Variants in TRMT9B observed in about 807,000 individuals in gnomAD.
TRMT9B encodes the protein probable tRNA methyltransferase 9B.
Under a neutral mutation model 11.5 loss-of-function variants are expected in TRMT9B, and 16 were observed. The observed-to-expected ratio is 1.39, with a 90% CI of 0.94 to 2.11. The LOEUF (loss-of-function observed/expected upper bound fraction) is 2.11, where lower values mean the gene tolerates loss of function less well. TRMT9B is among the 30% of genes most tolerant of loss of function. The probability of loss-of-function intolerance (pLI) is 0.00; values close to 1 mark genes in which losing one functional copy is unlikely to be tolerated. For missense variants in TRMT9B, 941 were observed against 553.8 expected (o/e 1.70, Z -7.02); for synonymous variants, 274 against 192.4 (o/e 1.42, Z -3.51).
chr8:12,982,926 G>C (rs934721708), intron 1 of TRMT9B, among the ~76,000 whole-genome samples: 1 of 152,094 alleles, frequency 6.6e-6, no homozygotes, highest in Non-Finnish European at 1.5e-5. Flanking sequence ...TGTTTTCCTC[G>C]CATGCCCAGA....
chr8:13,003,161 A>G (rs1305503877), intron 2 of TRMT9B, among the ~76,000 whole-genome samples: 3 of 152,178 alleles, frequency 2.0e-5, no homozygotes, highest in African/African-American at 7.2e-5. Flanking sequence ...AAATTCAACA[A>G]TTACAGGACT....
At chr8:13,015,340 C>T (rs1812441883) in intron 4 of TRMT9B, among the ~76,000 whole-genome samples, 1 of 151,882 alleles carries the variant, frequency 6.6e-6, no homozygotes, top group Non-Finnish European at 1.5e-5. Flanking sequence ...CCTCCCTAAC[C>T]TTCAGCATTT....
intron 1 of TRMT9B, among the ~76,000 whole-genome samples, chr8:12,979,212 C>A (rs536557422): frequency 1.3e-5 from 2 of 152,198 alleles, no homozygotes; most frequent in African/African-American, 4.8e-5. Flanking sequence ...AATTCTCATT[C>A]CTGTTCTCAG....
chr8:12,964,546 C>G (rs1218791425), intron 1 of TRMT9B, among the ~76,000 whole-genome samples: 1 of 152,074 alleles, frequency 6.6e-6, no homozygotes, highest in African/African-American at 2.4e-5. Context: ...TAGTTTTTAA[C>G]TCTAAATAAT....
chr8:12,996,329 A>C (rs556865180), intron 2 of TRMT9B, among the ~76,000 whole-genome samples: 2 of 152,310 alleles, frequency 1.3e-5, no homozygotes, highest in Admixed American at 1.3e-4. Flanking sequence ...TGGTGCCCTA[A>C]CTGAAACAAC....
chr8:13,019,718 G>A (rs1246606574), intron 4 of TRMT9B, among the ~76,000 whole-genome samples: 2 of 152,306 alleles, frequency 1.3e-5, no homozygotes, highest in African/African-American at 2.4e-5. Flanking sequence ...TTCTAGAAAG[G>A]TATGCTTTCA....
At chr8:12,956,475 C>T (rs971899773) in intron 1 of TRMT9B, among the ~76,000 whole-genome samples, 9 of 152,258 alleles carry the variant, frequency 5.9e-5, no homozygotes, top group East Asian at 3.9e-4. Flanking sequence ...CCTCTGCATA[C>T]GGTACTAATT....
Position 12,984,981 on chromosome 8 carries a change from ACACACACTCTCT to A in TRMT9B, c.-199-5851_-199-5840del, listed in dbSNP as rs1563361561. On this transcript the variant is annotated intron_variant, in intron 1 of 4. Transcript: ENST00000524591. ...CACACACACACACACACACACACAC[ACACACACTCTCT>A]CTCTCACACTCCCCACCCAGATGTT... Among the ~76,000 whole-genome samples, 5 of 130,510 alleles carry A rather than the reference ACACACACTCTCT, an allele frequency of 3.8e-5. No homozygotes were observed. The South Asian group carries it at 7.7e-4, about 20-fold the overall frequency. The allele number at this position is 130,510 out of a possible 152,430, so 85.6% of individuals were successfully genotyped here.
intron 1 of TRMT9B, among the ~76,000 whole-genome samples, chr8:12,966,374 C>T (rs1325670133): frequency 6.6e-6 from 1 of 152,094 alleles, no homozygotes; most frequent in Non-Finnish European, 1.5e-5. Context: ...GAAAGCATTG[C>T]TACTGTATAA....
At chr8:12,983,107 A>G (rs1002143888) in intron 1 of TRMT9B, among the ~76,000 whole-genome samples, 6 of 152,176 alleles carry the variant, frequency 3.9e-5, no homozygotes, top group African/African-American at 1.4e-4. Context: ...AAAATGTCAA[A>G]AAGACCTGCA....
rs476023 is a variant in TRMT9B at position 13,022,198 on chromosome 8, T to G, written c.*154T>G. 443,527 of 583,066 alleles carry G rather than the reference T, an allele frequency of 0.76. 170,529 individuals are homozygous for G. Among genetic ancestry groups the G allele is most frequent in the Non-Finnish European group, 0.79 (266,864 of 336,792 alleles). The allele number at this position is 583,066 out of a possible 1,614,324, so 36.1% of individuals were successfully genotyped here. The stretch of plus-strand genomic sequence containing the variant: ...AATTATTTGGTTGTTTTGTTTTCAT[T>G]TTTGAATAAGCACAGATTCTGGCAT... On this transcript the variant is annotated 3_prime_UTR_variant, in exon 5 of 5. Coordinates refer to ENST00000524591, the MANE Select transcript of TRMT9B (RefSeq NM_020844.3).
Position 13,029,154 on chromosome 8 carries a change from C to T in TRMT9B, c.*7110C>T, listed in dbSNP as rs563922667. 6.0e-5 allele frequency: 10 copies of T among 166,766 alleles called. No homozygotes were observed. The highest frequency in any genetic ancestry group is 2.4e-4 in the African/African-American group (10 of 41,352). 10.3% of individuals were successfully genotyped at this position (166,766 alleles called of 1,614,324 possible). On this transcript the variant is annotated 3_prime_UTR_variant, in exon 5 of 5. Transcript: ENST00000524591. The stretch of plus-strand genomic sequence containing the variant: ...GTGAATACATCAAATTAGCAATTAC[C>T]ATAGAAATGTATTTCATTGAATAAA...
intron 1 of TRMT9B, among the ~76,000 whole-genome samples, chr8:12,969,113 T>G (rs1803225998): frequency 6.6e-6 from 1 of 152,142 alleles, no homozygotes; most frequent in African/African-American, 2.4e-5. Context: ...CTCGGGAGGC[T>G]GAGGCAGGAG....
At position 13,002,492 on chromosome 8, in the gene TRMT9B, G is replaced by A. The variant is rs551135132; in HGVS notation, c.-1-3710G>A. Among the ~76,000 whole-genome samples, 3 of 152,292 alleles carry A rather than the reference G, an allele frequency of 2.0e-5. No individual in the cohort carries two copies. In the South Asian group the frequency reaches 6.2e-4, roughly 32 times the overall value. On this transcript the variant is annotated intron_variant, in intron 2 of 4. Coordinates refer to ENST00000524591, the MANE Select transcript of TRMT9B (RefSeq NM_020844.3). ...TTCAGTTGAAGGTGCAACATAAGCT[G>A]TTTCAATTTGGGTGGAAGTTTAGTC... is the stretch of plus-strand genomic sequence containing the variant.
At chr8:13,004,262 C>T (rs1280730076) in intron 2 of TRMT9B, among the ~76,000 whole-genome samples, 3 of 151,830 alleles carry the variant, frequency 2.0e-5, no homozygotes, top group African/African-American at 7.2e-5. Context: ...TAGGTGAGTC[C>T]TCCTGCTGAA....
chr8:13,000,019 T>G (rs556380448), intron 2 of TRMT9B, among the ~76,000 whole-genome samples: 2 of 152,334 alleles, frequency 1.3e-5, no homozygotes, highest in South Asian at 4.1e-4. Flanking sequence ...GATCTAGATA[T>G]TCTACAGTTC....
rs141002043 is a variant in TRMT9B at position 13,000,847 on chromosome 8, G to A, written c.-1-5355G>A. ...GTGTGGTTGTAAGAAACAGAAGTGAGTTCAAGTGAAGAATATTTCAGGGCT... is the reference window on the plus strand; with the variant it reads ...GTGTGGTTGTAAGAAACAGAAGTGAATTCAAGTGAAGAATATTTCAGGGCT... On this transcript the variant is annotated intron_variant, in intron 2 of 4. Coordinates refer to ENST00000524591, the MANE Select transcript of TRMT9B (RefSeq NM_020844.3). Among the ~76,000 whole-genome samples the A allele has an allele frequency of 2.1e-3, 321 of 152,304 alleles. 1 individual carries two copies. The highest frequency in any genetic ancestry group is 6.5e-3 in the African/African-American group (271 of 41,560).
intron 1 of TRMT9B, among the ~76,000 whole-genome samples, chr8:12,961,030 A>G (rs903462074): frequency 3.3e-5 from 5 of 152,092 alleles, no homozygotes; most frequent in Non-Finnish European, 4.4e-5. Context: ...AGTCCCAGCT[A>G]CTCGGGAGGC....
In TRMT9B at chr8:12,980,402, C is replaced by T. The variant is rs199827004; in HGVS notation, c.-199-10432C>T. On this transcript the variant is annotated intron_variant, in intron 1 of 4. Coordinates refer to ENST00000524591, the MANE Select transcript of TRMT9B (RefSeq NM_020844.3). ...AAATCTTTAATTACATCTATAAACC[C>T]TTTTTTCCAAATAAGGTCATATTCC... 3.1e-3 allele frequency among the ~76,000 whole-genome samples: 478 copies of T among 151,870 alleles called. 1 individual carries two copies. The highest frequency in any genetic ancestry group is 0.01 in the African/African-American group (415 of 41,440).
Sources: gnomAD v4.1 joint callset for allele counts (sites outside exome capture counted in the v4.1 genomes callset) on GRCh38, gnomAD v4.1.1 for gene constraint, MANE v1.5 for transcripts, NCBI Gene and HGNC (gene_info 2026-07-23, HGNC 2026-07-21) for gene names.